Variants in PLEKHA8 observed in about 807,000 individuals in gnomAD.
The protein encoded by PLEKHA8 is pleckstrin homology domain-containing family A member 8.
In PLEKHA8, 36 loss-of-function variants were observed where a neutral mutation model predicts 68.2. The ratio of observed to expected loss-of-function variants is 0.53; its 90% CI spans 0.40 to 0.70. The LOEUF (loss-of-function observed/expected upper bound fraction) is 0.70. Among genes scored for constraint, PLEKHA8 ranks in the 30% least tolerant of loss-of-function variants. The pLI is 0.00. For missense variants in PLEKHA8, 505 were observed against 615.4 expected (o/e 0.82, Z 1.90); for synonymous variants, 211 against 216.1 (o/e 0.98, Z 0.20).
At position 30,082,728 on chromosome 7, in the gene PLEKHA8, A is replaced by AAG; in HGVS notation, c.*3944_*3945dup. 1.0e-6 allele frequency: 1 copy of AAG among 985,374 alleles called. No homozygotes were observed. The highest frequency in any genetic ancestry group is 1.2e-6 in the Non-Finnish European group (1 of 829,866). 61.0% of individuals were successfully genotyped at this position (985,374 alleles called of 1,614,324 possible). ...TCTCCACTAAATTTGAAGTGAGGGA[A>AAG]AGAGGAGCCAAAGTAAGAGATTTTT... On this transcript the variant is annotated 3_prime_UTR_variant, in exon 14 of 14. Coordinates refer to ENST00000449726, the MANE Select transcript of PLEKHA8 (RefSeq NM_001197026.2).
At position 30,081,942 on chromosome 7, in the gene PLEKHA8, T is replaced by C. The variant is rs1794952321; in HGVS notation, c.*3155T>C. On this transcript the variant is annotated 3_prime_UTR_variant, in exon 14 of 14. Transcript: ENST00000449726. ...TTTTGAAAGCAAGTCAGATTCCTTA[T>C]AGCTAATGCTGGTGAAAAATGTTAA... 2.1e-6 allele frequency: 2 copies of C among 957,368 alleles called. No homozygotes were observed. The highest frequency in any genetic ancestry group is 6.2e-5 in the Admixed American group (1 of 16,232). 59.3% of individuals were successfully genotyped at this position (957,368 alleles called of 1,614,324 possible). A position where few individuals can be genotyped will look rare whatever the true frequency, so the allele number is the denominator to read the frequency against.
chr7:30,116,076 A>G (rs944259776), intron 13 of PLEKHA8: 1 of 151,072 alleles, frequency 6.6e-6, no homozygotes, highest in South Asian at 2.1e-4. Flanking sequence ...GTATACATGT[A>G]TACATACGCA....
chr7:30,113,663 T>C (rs1796339054), intron 13 of PLEKHA8, among the ~76,000 whole-genome samples: 1 of 152,204 alleles, frequency 6.6e-6, no homozygotes, highest in South Asian at 2.1e-4. Context: ...CTCACTATTC[T>C]CCCTATTACT....
rs951643724 is a variant in PLEKHA8 at position 30,028,602 on chromosome 7, G to T, written c.-161G>T. ...GCCGCAGTGACCCCGCCCCCGGGCC[G>T]AGGATGTGAGGCGGGCCGGGCGTCC... On this transcript the variant is annotated 5_prime_UTR_variant, in exon 1 of 14. Transcript: ENST00000449726. 8.8e-6 allele frequency: 4 copies of T among 452,466 alleles called. No individual in the cohort carries two copies. In the Admixed American group the frequency reaches 1.8e-4, roughly 20 times the overall value. 28.0% of individuals were successfully genotyped at this position (452,466 alleles called of 1,614,324 possible).
At chr7:30,060,123 G>T (rs529144736) in intron 9 of PLEKHA8, among the ~76,000 whole-genome samples, 1 of 149,622 alleles carries the variant, frequency 6.7e-6, no homozygotes, top group Non-Finnish European at 1.5e-5. Flanking sequence ...GTGACAGAGC[G>T]AGACTCCGTC....
At chr7:30,055,390 C>A in intron 9 of PLEKHA8, 48 bp downstream of exon 9, 1 of 1,529,708 alleles carries the variant, frequency 6.5e-7, no homozygotes, top group Non-Finnish European at 9.1e-7. Flanking sequence ...TAGAATCTGC[C>A]TCACTGTAGT....
Position 30,052,689 on chromosome 7 carries a change from T to C in PLEKHA8, c.639-20T>C, listed in dbSNP as rs1792521069. ...CAAATAACGACCTTCTGGCTTTTTT[T>C]CCTTTTAAAAAATTTGCAGGCAAAT... On this transcript the variant is annotated intron_variant, in intron 6 of 13. Coordinates refer to ENST00000449726, the MANE Select transcript of PLEKHA8 (RefSeq NM_001197026.2). 6.5e-7 allele frequency: 1 copy of C among 1,531,448 alleles called. No individual in the cohort carries two copies. Among genetic ancestry groups the C allele is most frequent in the Non-Finnish European group, 8.7e-7 (1 of 1,148,226 alleles). 94.9% of individuals were successfully genotyped at this position (1,531,448 alleles called of 1,614,324 possible). A position where few individuals can be genotyped will look rare whatever the true frequency, so the allele number is the denominator to read the frequency against.
intron 13 of PLEKHA8, among the ~76,000 whole-genome samples, chr7:30,116,663 C>G (rs550602155): frequency 1.3e-5 from 2 of 152,284 alleles, no homozygotes; most frequent in African/African-American, 4.8e-5. Context: ...TTGTTTCTCT[C>G]CCATATAAAT....
chr7:30,035,787 GC>G (rs1047757181), intron 1 of PLEKHA8, among the ~76,000 whole-genome samples: 2 of 151,942 alleles, frequency 1.3e-5, no homozygotes, highest in African/African-American at 4.8e-5. Flanking sequence ...GGGATTACAG[GC>G]GCCTGCCACC....
chr7:30,087,914 T>C (rs776856902), downstream of PLEKHA8, among the ~76,000 whole-genome samples: 4 of 152,210 alleles, frequency 2.6e-5, no homozygotes, highest in Non-Finnish European at 4.4e-5. Flanking sequence ...GACTAATTCT[T>C]TGGTGTTAGG....
intron 9 of PLEKHA8, among the ~76,000 whole-genome samples, chr7:30,055,869 T>A (rs1197445721): frequency 1.3e-5 from 2 of 151,996 alleles, no homozygotes; most frequent in Non-Finnish European, 2.9e-5. Flanking sequence ...TTGCCCATAC[T>A]GGTTTGGAAC....
At position 30,058,444 on chromosome 7, in the gene PLEKHA8, T is replaced by C. The variant is rs78349278; in HGVS notation, c.1040-2440T>C. 8.9e-3 allele frequency among the ~76,000 whole-genome samples: 1,357 copies of C among 151,632 alleles called. 17 individuals are homozygous for C. The highest frequency in any genetic ancestry group is 0.038 in the East Asian group (197 of 5,172). The stretch of plus-strand genomic sequence containing the variant: ...TGAACCACTGGAATTATTTTTTGTG[T>C]GTGGTGTGAGGTAGGGAGTTGAGGT... On this transcript the variant is annotated intron_variant, in intron 9 of 13. Transcript: ENST00000449726.
chr7:30,080,407 G>C lies in PLEKHA8; in HGVS notation c.*1620G>C, dbSNP rs1313868622. On this transcript the variant is annotated 3_prime_UTR_variant, in exon 14 of 14. Transcript: ENST00000449726. ...ATGAGGTAGTTATCCAGGGTAGAAG[G>C]TCCTTTGAGGGGCTTGGTTGAATTG... The C allele has an allele frequency of 1.0e-6, 1 of 985,100 alleles. No homozygotes were observed. Among genetic ancestry groups the C allele is most frequent in the African/African-American group, 1.7e-5 (1 of 57,170 alleles). The allele number at this position is 985,100 out of a possible 1,614,324, so 61.0% of individuals were successfully genotyped here. A position where few individuals can be genotyped will look rare whatever the true frequency, so the allele number is the denominator to read the frequency against.
Position 30,081,442 on chromosome 7 carries a change from C to T in PLEKHA8, c.*2655C>T, listed in dbSNP as rs1794924461. On this transcript the variant is annotated 3_prime_UTR_variant, in exon 14 of 14. Transcript: ENST00000449726. Reference sequence around the variant, plus strand: ...TGAACCTTGGCATAGTCAGAGCTTCCTCCTACATCTAAAGTATTTGCTCTC... The same window carrying T: ...TGAACCTTGGCATAGTCAGAGCTTCTTCCTACATCTAAAGTATTTGCTCTC... 1 of 984,566 alleles carries T rather than the reference C, an allele frequency of 1.0e-6. No individual in the cohort carries two copies. The highest frequency in any genetic ancestry group is 1.2e-6 in the Non-Finnish European group (1 of 829,284). The allele number at this position is 984,566 out of a possible 1,614,324, so 61.0% of individuals were successfully genotyped here.
At chr7:30,090,187 A>G (rs758730528) in exon 13 of PLEKHA8, 1 of 1,549,984 alleles carries the variant, frequency 6.5e-7, no homozygotes, top group South Asian at 1.2e-5. Flanking sequence ...ACCAAAACAT[A>G]CCCTGATGAA....
At chr7:30,068,736 A>G (rs991938819) in intron 12 of PLEKHA8, among the ~76,000 whole-genome samples, 1 of 152,086 alleles carries the variant, frequency 6.6e-6, no homozygotes, top group African/African-American at 2.4e-5. Context: ...TTCAGTTTTT[A>G]TGTAATCAGA....
chr7:30,056,467 G>A (rs868619242), intron 9 of PLEKHA8, among the ~76,000 whole-genome samples: 4 of 146,718 alleles, frequency 2.7e-5, no homozygotes, highest in Non-Finnish European at 3.0e-5. Flanking sequence ...AGTGGCTCAC[G>A]CCTGTAATCC....
At chr7:30,085,784 T>A (rs1583453114), downstream of PLEKHA8, among the ~76,000 whole-genome samples, 1 of 151,798 alleles carries the variant, frequency 6.6e-6, no homozygotes, top group Non-Finnish European at 1.5e-5. Context: ...AGCAAAAGGG[T>A]CAAGTAGAGT....
intron 13 of PLEKHA8, among the ~76,000 whole-genome samples, chr7:30,119,027 G>A (rs1796652624): frequency 6.6e-6 from 1 of 152,204 alleles, no homozygotes; most frequent in African/African-American, 2.4e-5. Context: ...ATGGTGGCCT[G>A]AGGGGCATTG....
Sources: allele counts gnomAD v4.1 joint callset (sites outside exome capture counted in the v4.1 genomes callset), GRCh38; gene constraint gnomAD v4.1.1; transcripts MANE v1.5; gene names NCBI Gene and HGNC (gene_info 2026-07-23, HGNC 2026-07-21).